The following SYTL3 variants were observed in gnomAD, a reference collection of about 807,000 sequenced individuals.
The protein encoded by SYTL3 is synaptotagmin-like protein 3.
A neutral mutation model predicts 82.1 loss-of-function variants in SYTL3; 88 were observed. That is an observed-to-expected ratio of 1.07 (90% CI 0.90 to 1.28). SYTL3 has a LOEUF of 1.28. SYTL3 is among the 50% of genes most tolerant of loss of function. The pLI, the probability that SYTL3 is intolerant of heterozygous loss-of-function variation, is 0.00. For missense variants in SYTL3, 831 were observed against 757.6 expected (o/e 1.10, Z -1.14); for synonymous variants, 311 against 289.4 (o/e 1.07, Z -0.76).
At chr6:158,736,291 C>T (rs1225800447) in intron 11 of SYTL3, among the ~76,000 whole-genome samples, 1 of 151,762 alleles carries the variant, frequency 6.6e-6, no homozygotes, top group Non-Finnish European at 1.5e-5. Flanking sequence ...GCAGAGTTTG[C>T]AGTGAGCCAG....
intron 2 of SYTL3, among the ~76,000 whole-genome samples, chr6:158,660,904 C>G (rs1328188511): frequency 6.6e-6 from 1 of 152,066 alleles, no homozygotes; most frequent in Non-Finnish European, 1.5e-5. Context: ...AAAATTAAAA[C>G]ATTAGCTAGG....
At chr6:158,719,635 C>G (rs939421384) in intron 10 of SYTL3, among the ~76,000 whole-genome samples, 2 of 152,190 alleles carry the variant, frequency 1.3e-5, no homozygotes, top group Admixed American at 1.3e-4. Context: ...AAGCTCCCTC[C>G]GAACTCCCTC....
Position 158,665,503 on chromosome 6 carries a change from G to A in SYTL3, c.219G>A (p.Leu73=), listed in dbSNP as rs760042727. ...GCTGCCAGCAGGTGCTGGGGTTCCTGCTGCACCGGGGCGCCGTGTGCCGGG... is the reference window on the plus strand; with the variant it reads ...GCTGCCAGCAGGTGCTGGGGTTCCTACTGCACCGGGGCGCCGTGTGCCGGG... ...CARCQQVLGF[L]LHRGAVCRGC... Residue 73 remains leucine, a synonymous_variant, in exon 5 of 18, where the codon CTG becomes CTA. Coordinates refer to ENST00000611299, the MANE Select transcript of SYTL3 (RefSeq NM_001242394.2). 6.3e-7 allele frequency: 1 copy of A among 1,599,752 alleles called. No homozygotes were observed. The highest frequency in any genetic ancestry group is 8.5e-7 in the Non-Finnish European group (1 of 1,173,622).
chr6:158,661,410 TTTG>T (rs1789361295), intron 3 of SYTL3, 25 bp downstream of exon 3: 1 of 152,248 alleles, frequency 6.6e-6, no homozygotes, highest in African/African-American at 2.4e-5. Flanking sequence ...TCCTTGTTGC[TTTG>T]TGATTTTCCC....
chr6:158,698,449 G>A (rs1780800839), intron 6 of SYTL3, among the ~76,000 whole-genome samples: 1 of 150,852 alleles, frequency 6.6e-6, no homozygotes, highest in Admixed American at 6.6e-5. Context: ...ATTTGTGACT[G>A]GATATCATGA....
At chr6:158,685,541 G>A (rs560769163) in intron 6 of SYTL3, among the ~76,000 whole-genome samples, 171 of 151,796 alleles carry the variant, frequency 1.1e-3, no homozygotes, top group Middle Eastern at 3.4e-3. Flanking sequence ...TTTTTTGACC[G>A]GGCCCGGTGG....
At chr6:158,761,366 G>A (rs1183367837) in intron 15 of SYTL3, among the ~76,000 whole-genome samples, 3 of 144,000 alleles carry the variant, frequency 2.1e-5, no homozygotes, top group Non-Finnish European at 3.0e-5. Flanking sequence ...GCAGTGGCCC[G>A]ATCTTGGCTC....
intron 8 of SYTL3, 124 bp from the exon 9 acceptor site, chr6:158,713,676 C>T: frequency 5.6e-6 from 4 of 714,186 alleles, no homozygotes; most frequent in Non-Finnish European, 1.0e-5. Context: ...CCCCCAGCAC[C>T]ACGCCCACAC....
At chr6:158,699,328 C>CT (rs2128437704) in intron 6 of SYTL3, among the ~76,000 whole-genome samples, 1 of 152,302 alleles carries the variant, frequency 6.6e-6, no homozygotes, top group Admixed American at 6.5e-5. Context: ...GTCCAGGGCA[C>CT]TGGTATGGTT....
chr6:158,727,341 T>C (rs1236781483), intron 11 of SYTL3, among the ~76,000 whole-genome samples: 1 of 151,328 alleles, frequency 6.6e-6, no homozygotes, highest in Admixed American at 6.6e-5. Context: ...CTGGCTAATT[T>C]TTGTATTTTT....
rs964359352 is a variant in SYTL3 at position 158,713,794 on chromosome 6, T to A, written c.517-6T>A. On this transcript the variant is annotated splice_region_variant and splice_polypyrimidine_tract_variant and intron_variant, in intron 8 of 17. Transcript: ENST00000611299. ...TTCTCATTCTCTCCTTCTGTCTCTG[T>A]TTTAGTTACAGGAATTTGGTCAGTT... 4 of 1,541,342 alleles carry A rather than the reference T, an allele frequency of 2.6e-6. No individual in the cohort carries two copies. In the South Asian group the frequency reaches 4.8e-5, roughly 18 times the overall value.
At chr6:158,748,845 G>GAAA (rs11361662) in intron 12 of SYTL3, among the ~76,000 whole-genome samples, 88 of 138,302 alleles carry the variant, frequency 6.4e-4, no homozygotes, top group African/African-American at 2.1e-3. Context: ...AACTCCGCCT[G>GAAA]AAAAAAAAAA....
chr6:158,734,441 A>G (rs556330292), intron 11 of SYTL3, among the ~76,000 whole-genome samples: 3 of 152,098 alleles, frequency 2.0e-5, no homozygotes, highest in East Asian at 3.9e-4. Context: ...TGACCTGCCC[A>G]CCACTCTGGC....
At chr6:158,758,660 A>G (rs1789484644) in intron 14 of SYTL3, among the ~76,000 whole-genome samples, 1 of 152,008 alleles carries the variant, frequency 6.6e-6, no homozygotes, top group South Asian at 2.1e-4. Flanking sequence ...CTGCTCCTCC[A>G]GGCAATGCCC....
At chr6:158,758,004 TAGG>T (rs1396284383) in intron 14 of SYTL3, among the ~76,000 whole-genome samples, 1 of 151,298 alleles carries the variant, frequency 6.6e-6, no homozygotes, top group Non-Finnish European at 1.5e-5. Context: ...GCTATGCAGG[TAGG>T]AGGAGAGGCC....
In SYTL3 at chr6:158,745,122, G is replaced by A. The variant is rs545552198; in HGVS notation, c.856-358G>A. Among the ~76,000 whole-genome samples the A allele has an allele frequency of 1.1e-4, 16 of 151,972 alleles. 1 individual carries two copies. In the South Asian group the frequency reaches 2.9e-3, roughly 28 times the overall value. On this transcript the variant is annotated intron_variant, in intron 11 of 17. Coordinates refer to ENST00000611299, the MANE Select transcript of SYTL3 (RefSeq NM_001242394.2). Reference sequence around the variant, plus strand: ...TTAGCCCCAGACTGTGCCGCTTTCCGCATAGCTGTCCTGCCATGGATATTA... The same window carrying A: ...TTAGCCCCAGACTGTGCCGCTTTCCACATAGCTGTCCTGCCATGGATATTA...
At chr6:158,680,449 C>G (rs2583079) in intron 5 of SYTL3, among the ~76,000 whole-genome samples, 1 of 151,832 alleles carries the variant, frequency 6.6e-6, no homozygotes, top group African/African-American at 2.4e-5. Context: ...TACCAAAATT[C>G]TGTTATAGGC....
intron 5 of SYTL3, among the ~76,000 whole-genome samples, chr6:158,680,941 C>T (rs916666424): frequency 6.6e-6 from 1 of 152,142 alleles, no homozygotes; most frequent in African/African-American, 2.4e-5. Context: ...TTTTGAAAAA[C>T]GTGCAGATTG....
At chr6:158,730,732 A>G (rs1785291030) in intron 11 of SYTL3, among the ~76,000 whole-genome samples, 1 of 152,204 alleles carries the variant, frequency 6.6e-6, no homozygotes, top group South Asian at 2.1e-4. Context: ...GGAGCTGGTA[A>G]AATATTTCCT....
Sources: gnomAD v4.1 joint callset for allele counts (sites outside exome capture counted in the v4.1 genomes callset) on GRCh38, gnomAD v4.1.1 for gene constraint, MANE v1.5 for transcripts, NCBI Gene and HGNC (gene_info 2026-07-23, HGNC 2026-07-21) for gene names.